Variants in SORCS2 observed in about 807,000 individuals in gnomAD.
The protein encoded by SORCS2 is sortilin related VPS10 domain containing receptor 2.
Under a neutral mutation model 141.6 loss-of-function variants are expected in SORCS2, and 100 were observed. The observed-to-expected ratio is 0.71, with a 90% CI of 0.60 to 0.83. The LOEUF (loss-of-function observed/expected upper bound fraction) is 0.83, where lower values mean the gene tolerates loss of function less well. SORCS2 is among the 40% of genes least tolerant of loss of function. The probability of loss-of-function intolerance (pLI) is 0.00; values close to 1 mark genes in which losing one functional copy is unlikely to be tolerated. For synonymous variants in SORCS2, 789 were observed against 676.9 expected (o/e 1.17, Z -2.57); for missense variants, 1,646 against 1,560.2 (o/e 1.05, Z -0.93).
At chr4:7,267,116 G>C (rs1157782584) in intron 1 of SORCS2, among the ~76,000 whole-genome samples, 2 of 152,178 alleles carry the variant, frequency 1.3e-5, no homozygotes, top group Non-Finnish European at 2.9e-5. Flanking sequence ...GCATGAATCA[G>C]TGAATCAAAC....
chr4:7,369,303 T>A (rs4689107), intron 1 of SORCS2, among the ~76,000 whole-genome samples: 10 of 151,970 alleles, frequency 6.6e-5, no homozygotes, highest in Non-Finnish European at 1.0e-4. Flanking sequence ...AGAGCCAGAC[T>A]CTGTCTGAAA....
At chr4:7,280,930 C>A (rs1715834605) in intron 1 of SORCS2, among the ~76,000 whole-genome samples, 1 of 152,212 alleles carries the variant, frequency 6.6e-6, no homozygotes, top group Admixed American at 6.5e-5. Flanking sequence ...CCAAGCTGCA[C>A]AAATGAGTTA....
chr4:7,615,770 TA>T (rs35396202), intron 3 of SORCS2, among the ~76,000 whole-genome samples: 43,219 of 152,066 alleles, frequency 0.28, 6,505 homozygotes, highest in African/African-American at 0.37. Flanking sequence ...GCTCATCACT[TA>T]ACAGTAGACA....
intron 2 of SORCS2, among the ~76,000 whole-genome samples, chr4:7,506,059 GGCA>G (rs1732259871): frequency 6.6e-6 from 1 of 152,132 alleles, no homozygotes; most frequent in Admixed American, 6.5e-5. Context: ...TCTCTATAGG[GGCA>G]CTAATCTGGG....
Position 7,712,748 on chromosome 4 carries a change from C to A in SORCS2, c.1884C>A (p.Ile628=). 1 of 1,614,034 alleles carries A rather than the reference C, an allele frequency of 6.2e-7. No homozygotes were observed. The highest frequency in any genetic ancestry group is 1.1e-5 in the South Asian group (1 of 91,090). ...ETLVMTVFGH[I]SFRSDWELVK... is the part of the protein sequence containing the mutation. Reference sequence around the variant, plus strand: ...CCCACCCCAGGGTCTTTGGCCACATCAGCTTCCGCTCCGATTGGGAGCTGG... The same window carrying A: ...CCCACCCCAGGGTCTTTGGCCACATAAGCTTCCGCTCCGATTGGGAGCTGG... Residue 628 remains isoleucine (I), a synonymous_variant, in exon 15 of 27, where the codon ATC becomes ATA. Transcript: ENST00000507866.
intron 1 of SORCS2, among the ~76,000 whole-genome samples, chr4:7,289,654 T>A (rs1271473258): frequency 6.6e-6 from 1 of 152,122 alleles, no homozygotes; most frequent in East Asian, 1.9e-4. Flanking sequence ...ATATCACAAT[T>A]CATGGAAAGC....
chr4:7,505,059 G>T (rs879525452), intron 2 of SORCS2, among the ~76,000 whole-genome samples: 1 of 152,232 alleles, frequency 6.6e-6, no homozygotes, highest in African/African-American at 2.4e-5. Flanking sequence ...CTGGAGCGCC[G>T]GGAGGGATGG....
chr4:7,579,509 G>T (rs899181903), intron 3 of SORCS2, among the ~76,000 whole-genome samples: 2 of 152,142 alleles, frequency 1.3e-5, no homozygotes, highest in Non-Finnish European at 2.9e-5. Context: ...GGAGGAGCCA[G>T]GACTGGAACC....
At chr4:7,679,279 G>T (rs1423428146) in intron 9 of SORCS2, among the ~76,000 whole-genome samples, 1 of 152,176 alleles carries the variant, frequency 6.6e-6, no homozygotes, top group Non-Finnish European at 1.5e-5. Flanking sequence ...TATGAATGGG[G>T]ACTTAGGGGA....
At chr4:7,567,464 TGGAA>T (rs1715104422) in intron 3 of SORCS2, among the ~76,000 whole-genome samples, 1 of 151,916 alleles carries the variant, frequency 6.6e-6, no homozygotes, top group African/African-American at 2.4e-5. Context: ...GTTCCTCTGT[TGGAA>T]TTTGTATAGT....
chr4:7,725,312 G>A (rs779595151), intron 20 of SORCS2, 25 bp downstream of exon 20: 2 of 1,605,534 alleles, frequency 1.2e-6, no homozygotes, highest in Non-Finnish European at 1.7e-6. Flanking sequence ...CCCCAACTCA[G>A]CCCTTCTTCC....
chr4:7,347,110 C>A (rs1720691403), intron 1 of SORCS2, among the ~76,000 whole-genome samples: 1 of 152,192 alleles, frequency 6.6e-6, no homozygotes, highest in South Asian at 2.1e-4. Context: ...ACTTAGGTAT[C>A]ATATCAGGAT....
intron 1 of SORCS2, among the ~76,000 whole-genome samples, chr4:7,261,261 T>C (rs1714299232): frequency 1.3e-5 from 2 of 152,190 alleles, no homozygotes; most frequent in South Asian, 4.1e-4. Context: ...GGGCTGGTGA[T>C]TCTCTCGAGA....
intron 1 of SORCS2, among the ~76,000 whole-genome samples, chr4:7,387,806 A>G (rs981139617): frequency 1.3e-5 from 2 of 148,460 alleles, no homozygotes; most frequent in African/African-American, 5.0e-5. Flanking sequence ...GCTCACATGC[A>G]CACACAGATA....
rs143550187 is a variant in SORCS2, at chr4:7,666,821, T to C, written c.1072-303T>C. On this transcript the variant is annotated intron_variant, in intron 7 of 26. Coordinates refer to ENST00000507866, the MANE Select transcript of SORCS2 (RefSeq NM_020777.3). ...ACGAGCGCATCTTTGGCCTGTCTCC[T>C]TCTCCATCGGAACTTTCTCCACCTT... Among the ~76,000 whole-genome samples, 765 of 152,224 alleles carry C rather than the reference T, an allele frequency of 5.0e-3. 5 individuals carry two copies. The highest frequency in any genetic ancestry group is 0.016 in the African/African-American group (682 of 41,534).
chr4:7,503,617 C>G (rs1037313224), intron 2 of SORCS2, among the ~76,000 whole-genome samples: 18 of 152,070 alleles, frequency 1.2e-4, no homozygotes, highest in African/African-American at 4.3e-4. Context: ...GAGGGTATAC[C>G]CAGGATGCAG....
intron 3 of SORCS2, among the ~76,000 whole-genome samples, chr4:7,564,011 A>G (rs556246371): frequency 5.5e-4 from 84 of 152,192 alleles, no homozygotes; most frequent in Non-Finnish European, 1.1e-3. Context: ...TGCTTTCCAC[A>G]TTGGGTATTT....
intron 2 of SORCS2, among the ~76,000 whole-genome samples, chr4:7,486,404 G>A (rs962255630): frequency 2.6e-5 from 4 of 152,330 alleles, no homozygotes; most frequent in Admixed American, 6.5e-5. Flanking sequence ...GGCAGGATGC[G>A]GCCTCCACGA....
rs573618149 is a variant in SORCS2, at chr4:7,686,941, A to G, written c.1489-2545A>G. On this transcript the variant is annotated intron_variant, in intron 10 of 26. Transcript: ENST00000507866. ...ACTGGCCACCCCACAGGGAACCCTG[A>G]GGAGGGTTCCACTTCTCTGGCCTGA... Among the ~76,000 whole-genome samples, 3 of 152,270 alleles carry G rather than the reference A, an allele frequency of 2.0e-5. No homozygotes were observed. The East Asian group carries it at 5.8e-4, about 30-fold the overall frequency.
Sources: gnomAD v4.1 joint callset for allele counts (sites outside exome capture counted in the v4.1 genomes callset) on GRCh38, gnomAD v4.1.1 for gene constraint, MANE v1.5 for transcripts, NCBI Gene and HGNC (gene_info 2026-07-23, HGNC 2026-07-21) for gene names.